Variants in MCTP1 observed in about 807,000 individuals in gnomAD.
MCTP1 encodes the protein multiple C2 and transmembrane domain containing 1, also known as multiple C2 and transmembrane domain-containing protein 1.
In MCTP1, 69 loss-of-function variants were observed where a neutral mutation model predicts 120.6. That is an observed-to-expected ratio of 0.57 (90% CI 0.47 to 0.70). MCTP1 has a LOEUF of 0.70. MCTP1 is among the 30% of genes least tolerant of loss of function. The pLI is 0.00. For synonymous variants in MCTP1, 529 were observed against 493.1 expected, an observed-to-expected ratio of 1.07 and a Z score of -0.96; for missense variants, 1,203 against 1,248.8, an observed-to-expected ratio of 0.96 and a Z score of 0.55.
chr5:95,050,450 G>T (rs1469361814), intron 1 of MCTP1, among the ~76,000 whole-genome samples: 1 of 152,178 alleles, frequency 6.6e-6, no homozygotes, highest in Non-Finnish European at 1.5e-5. Context: ...GGGCTGTGGG[G>T]ATGAGAGTAG....
chr5:94,762,963 C>T (rs1490541689), intron 19 of MCTP1, among the ~76,000 whole-genome samples: 2 of 152,160 alleles, frequency 1.3e-5, no homozygotes, highest in Non-Finnish European at 2.9e-5. Context: ...ATGTAAAGTG[C>T]TACACAAATA....
chr5:95,003,614 G>T (rs1283407846), intron 2 of MCTP1, among the ~76,000 whole-genome samples: 2 of 152,194 alleles, frequency 1.3e-5, no homozygotes, highest in African/African-American at 4.8e-5. Context: ...AAATAAAACA[G>T]TAAAAGAAGA....
intron 19 of MCTP1, among the ~76,000 whole-genome samples, chr5:94,716,091 C>T (rs1336756919): frequency 6.6e-6 from 1 of 152,224 alleles, no homozygotes; most frequent in African/African-American, 2.4e-5. Flanking sequence ...GTGTGTGCCT[C>T]CTCCAAGGAC....
chr5:94,960,552 A>C (rs369163112), intron 2 of MCTP1, among the ~76,000 whole-genome samples: 3 of 152,226 alleles, frequency 2.0e-5, no homozygotes, highest in African/African-American at 7.2e-5. Flanking sequence ...AGAATCTACA[A>C]GGAACTTAAA....
chr5:95,070,420 T>G (rs534332919), intron 1 of MCTP1, among the ~76,000 whole-genome samples: 1 of 152,316 alleles, frequency 6.6e-6, no homozygotes, highest in Admixed American at 6.5e-5. Context: ...CAGTACAGAT[T>G]GGGGGATACC....
intron 17 of MCTP1, among the ~76,000 whole-genome samples, chr5:94,830,037 G>T (rs1168510036): frequency 6.6e-6 from 1 of 152,224 alleles, no homozygotes; most frequent in Non-Finnish European, 1.5e-5. Flanking sequence ...ACTCAGCAGA[G>T]GCAGCATTCG....
chr5:94,764,578 A>G (rs148562096), intron 19 of MCTP1, among the ~76,000 whole-genome samples: 42 of 152,322 alleles, frequency 2.8e-4, no homozygotes, highest in Middle Eastern at 3.4e-3. Flanking sequence ...GAGCTGGAGT[A>G]GCTATACTTA....
Position 95,099,315 on chromosome 5 carries a change from T to C in MCTP1, c.721-81831A>G, listed in dbSNP as rs1756525225. On this transcript the variant is annotated intron_variant, in intron 1 of 22. Coordinates refer to ENST00000515393, the MANE Select transcript of MCTP1 (RefSeq NM_024717.7). ...AGAGCTTCTGCACAGCAAAAGAAAC[T>C]ACCATCAGAGTGAACAGGCAACCCA... 9.9e-5 allele frequency among the ~76,000 whole-genome samples: 15 copies of C among 151,688 alleles called. 1 individual carries two copies. The South Asian group carries it at 3.1e-3, about 32-fold the overall frequency.
chr5:94,845,014 AAACT>A (rs571428267), intron 17 of MCTP1, among the ~76,000 whole-genome samples: 139 of 152,326 alleles, frequency 9.1e-4, no homozygotes, highest in African/African-American at 3.2e-3. Context: ...ACAACAAAAC[AAACT>A]ATCAACAGAA....
At chr5:95,171,685 C>T (rs1252699380) in intron 1 of MCTP1, among the ~76,000 whole-genome samples, 3 of 152,208 alleles carry the variant, frequency 2.0e-5, no homozygotes, top group African/African-American at 7.2e-5. Flanking sequence ...GGTACCCTTT[C>T]TTCCAGTTGA....
chr5:95,269,330 C>T (rs904029983), intron 1 of MCTP1, among the ~76,000 whole-genome samples: 3 of 152,136 alleles, frequency 2.0e-5, no homozygotes, highest in African/African-American at 4.8e-5. Context: ...AATTTGTTTT[C>T]CTGTCCAAAG....
chr5:94,953,267 T>C lies in MCTP1; in HGVS notation c.933A>G (p.Glu311=). 1.2e-6 allele frequency: 2 copies of C among 1,612,998 alleles called. No homozygotes were observed. Among genetic ancestry groups the C allele is most frequent in the Non-Finnish European group, 1.7e-6 (2 of 1,179,510 alleles). ...GATGATCAACCAGAATACAAGCTTTTTCTTCCCACACAGGGTTGAGGTTCT... is the reference window on the plus strand; with the variant it reads ...GATGATCAACCAGAATACAAGCTTTCTCTTCCCACACAGGGTTGAGGTTCT... ...IHKNLNPVWE[E]KACILVDHLR... is the part of the protein sequence containing the mutation. The change falls in exon 3 of 23, where the codon GAA becomes GAG. Residue 311 remains glutamate (E), a synonymous_variant. Transcript: ENST00000515393.
intron 2 of MCTP1, among the ~76,000 whole-genome samples, chr5:94,982,376 C>T (rs894407613): frequency 1.3e-5 from 2 of 152,014 alleles, no homozygotes; most frequent in Admixed American, 1.3e-4. Flanking sequence ...ATATTTAAGG[C>T]AATGACACAC....
intron 12 of MCTP1, among the ~76,000 whole-genome samples, chr5:94,885,472 G>A (rs1686564257): frequency 6.6e-6 from 1 of 152,052 alleles, no homozygotes; most frequent in African/African-American, 2.4e-5. Context: ...TAGGAGACTT[G>A]GAATGTTCTG....
chr5:95,052,174 G>T (rs1411401819), intron 1 of MCTP1, among the ~76,000 whole-genome samples: 1 of 152,220 alleles, frequency 6.6e-6, no homozygotes, highest in Admixed American at 6.5e-5. Flanking sequence ...GTCTTAGGAA[G>T]TTTTGAAATA....
chr5:95,229,378 A>T (rs971710812), intron 1 of MCTP1, among the ~76,000 whole-genome samples: 1 of 152,230 alleles, frequency 6.6e-6, no homozygotes, highest in African/African-American at 2.4e-5. Context: ...AATCTTGGAC[A>T]GTATATCTAC....
chr5:95,274,400 T>G (rs978445545), intron 1 of MCTP1, among the ~76,000 whole-genome samples: 1 of 152,086 alleles, frequency 6.6e-6, no homozygotes, highest in Non-Finnish European at 1.5e-5. Context: ...AAGGGGTGCT[T>G]CTTCTGGCTA....
chr5:94,950,951 A>C (rs942095447), intron 3 of MCTP1, among the ~76,000 whole-genome samples: 13 of 151,506 alleles, frequency 8.6e-5, no homozygotes, highest in Non-Finnish European at 1.8e-4. Flanking sequence ...TGTCTCAAAA[A>C]AAAAAAAAAA....
rs552151490 is a variant in MCTP1, at chr5:95,241,368, A to G, written c.720+42488T>C. On this transcript the variant is annotated intron_variant, in intron 1 of 22. Transcript: ENST00000515393. ...ACTTATGGTCTCTAAAATGAGGATAATGCCATTATTTTTAGAACATTAAGA... is the reference window on the plus strand; with the variant it reads ...ACTTATGGTCTCTAAAATGAGGATAGTGCCATTATTTTTAGAACATTAAGA... Among the ~76,000 whole-genome samples the G allele has an allele frequency of 4.9e-4, 75 of 152,272 alleles. 1 individual carries two copies. The highest frequency in any genetic ancestry group is 3.4e-3 in the Middle Eastern group (1 of 294).
Sources: allele counts gnomAD v4.1 joint callset (sites outside exome capture counted in the v4.1 genomes callset), GRCh38; gene constraint gnomAD v4.1.1; transcripts MANE v1.5; gene names NCBI Gene and HGNC (gene_info 2026-07-23, HGNC 2026-07-21).